Variants in URB1 observed in about 807,000 individuals in gnomAD.
The protein encoded by URB1 is URB1 ribosome biogenesis factor.
In URB1, 197 loss-of-function variants were observed where a neutral mutation model predicts 242.3. The ratio of observed to expected loss-of-function variants is 0.81; its 90% CI spans 0.72 to 0.91. The LOEUF (loss-of-function observed/expected upper bound fraction) is 0.91. Among genes scored for constraint, URB1 ranks in the 40% least tolerant of loss-of-function variants. URB1 has a pLI of 0.00. For missense variants in URB1, 2,721 were observed against 2,860.5 expected (o/e 0.95, Z 1.11); for synonymous variants, 1,153 against 1,201.8 (o/e 0.96, Z 0.84).
Position 32,311,245 on chromosome 21 carries a change from G to A in URB1, c.*3673C>T, listed in dbSNP as rs918081466. ...CCCCATGATTCAATTACCTCCCACT[G>A]GGTCCTTCCCACGACACGTGGGGAT... On this transcript the variant is annotated 3_prime_UTR_variant, in exon 39 of 39. Coordinates refer to ENST00000382751, the MANE Select transcript of URB1 (RefSeq NM_014825.3). 2 of 172,776 alleles carry A rather than the reference G, an allele frequency of 1.2e-5. No homozygotes were observed. The highest frequency in any genetic ancestry group is 1.2e-5 in the Non-Finnish European group (1 of 80,684). The allele number at this position is 172,776 out of a possible 1,614,324, so 10.7% of individuals were successfully genotyped here.
intron 36 of URB1, among the ~76,000 whole-genome samples, chr21:32,318,889 T>A (rs2032726214): frequency 6.6e-6 from 1 of 152,192 alleles, no homozygotes. Context: ...TTGATTCAAG[T>A]GTTTGAATCA....
intron 8 of URB1, 109 bp from the exon 9 acceptor site, chr21:32,368,707 TAAC>T: frequency 1.1e-6 from 1 of 935,036 alleles, no homozygotes; most frequent in South Asian, 1.8e-5. Flanking sequence ...AACACAGCAA[TAAC>T]AACGTAGGGA....
chr21:32,350,884 A>T lies in URB1; in HGVS notation c.2652T>A (p.Leu884=). ...GGGCTGTGAAGGACGAGGCCAAGGG[A>T]AGGGCAGGGGGCGAGGGGCTGCCCT... is the stretch of plus-strand genomic sequence containing the variant. ...QAQGSPSPPA[L]PLASSFTALL... is the part of the protein sequence containing the mutation. Residue 884 remains leucine, a synonymous_variant, in exon 20 of 39, where the codon CTT becomes CTA. Transcript: ENST00000382751. The T allele has an allele frequency of 6.5e-7, 1 of 1,549,982 alleles. No homozygotes were observed. Among genetic ancestry groups the T allele is most frequent in the Non-Finnish European group, 8.7e-7 (1 of 1,146,950 alleles).
rs1340487071 is a variant in URB1 at position 32,337,373 on chromosome 21, T to C, written c.4621+31A>G. Reference sequence around the variant, plus strand: ...ACCCCCGGCCCTCACTCCCTCCCCCTGCTCACACTACCCAGCCCTCACACC... The same window carrying C: ...ACCCCCGGCCCTCACTCCCTCCCCCCGCTCACACTACCCAGCCCTCACACC... On this transcript the variant is annotated intron_variant, in intron 27 of 38. Transcript: ENST00000382751. 2.0e-5 allele frequency: 31 copies of C among 1,515,184 alleles called. No individual in the cohort carries two copies. In the Admixed American group the frequency reaches 5.6e-4, roughly 27 times the overall value. The allele number at this position is 1,515,184 out of a possible 1,614,324, so 93.9% of individuals were successfully genotyped here. A position where few individuals can be genotyped will look rare whatever the true frequency, so the allele number is the denominator to read the frequency against.
At chr21:32,336,654 C>T (rs1323328424) in intron 28 of URB1, among the ~76,000 whole-genome samples, 2 of 152,136 alleles carry the variant, frequency 1.3e-5, no homozygotes, top group African/African-American at 4.8e-5. Context: ...TACATACACG[C>T]ATGCACACAC....
intron 26 of URB1, among the ~76,000 whole-genome samples, 183 bp from the exon 27 acceptor site, chr21:32,337,697 C>T (rs902390432): frequency 1.3e-5 from 2 of 151,506 alleles, no homozygotes; most frequent in South Asian, 2.1e-4. Flanking sequence ...ATTTTCTTTT[C>T]TTTTTTTCTT....
At chr21:32,379,543 TGAGGAG>T (rs957889893) in intron 4 of URB1, among the ~76,000 whole-genome samples, 1 of 152,154 alleles carries the variant, frequency 6.6e-6, no homozygotes, top group Non-Finnish European at 1.5e-5. Flanking sequence ...GTGATGATGA[TGAGGAG>T]GAGGAGGAGA....
At chr21:32,340,179 G>A (rs1239125829) in intron 25 of URB1, among the ~76,000 whole-genome samples, 1 of 152,164 alleles carries the variant, frequency 6.6e-6, no homozygotes, top group Non-Finnish European at 1.5e-5. Context: ...ACTTTTCTCT[G>A]TTTCAAGTTC....
At chr21:32,357,393 T>A in intron 15 of URB1, 144 bp downstream of exon 15, 3 of 884,754 alleles carry the variant, frequency 3.4e-6, no homozygotes, top group Non-Finnish European at 4.4e-6. Flanking sequence ...ACACAATAAA[T>A]TAAACTGCCA....
rs772049756 is a variant in URB1 at position 32,311,713 on chromosome 21, C to T, written c.*3205G>A. ...AGCCCCAAGCACCACCAAACATGCC[C>T]CTGGAGTCACGGCCTCAACCTCCAC... On this transcript the variant is annotated 3_prime_UTR_variant, in exon 39 of 39. Coordinates refer to ENST00000382751, the MANE Select transcript of URB1 (RefSeq NM_014825.3). 1 of 1,614,052 alleles carries T rather than the reference C, an allele frequency of 6.2e-7. No individual in the cohort carries two copies. The highest frequency in any genetic ancestry group is 1.1e-5 in the South Asian group (1 of 91,046).
chr21:32,377,764 A>AGCACCCTGCTACTCCTCCTCAATAACT (rs1300448373), intron 5 of URB1, among the ~76,000 whole-genome samples: 7 of 152,146 alleles, frequency 4.6e-5, no homozygotes, highest in African/African-American at 1.7e-4. Context: ...CCCTGAGTAC[A>AGCACCCTGCTACTCCTCCTCAATAACT]GCACCCTGCT....
chr21:32,321,479 T>C (rs184414775), intron 34 of URB1, among the ~76,000 whole-genome samples: 3 of 152,318 alleles, frequency 2.0e-5, no homozygotes, highest in South Asian at 2.1e-4. Flanking sequence ...TGAAGGCTCA[T>C]GATTACTGAT....
At position 32,338,815 on chromosome 21, in the gene URB1, TC is replaced by T; in HGVS notation, c.4401del (p.Lys1468SerfsTer10). ...LLYSPESSVR[T>X]KLIQLPVVYV... is the part of the protein sequence containing the mutation. The stretch of plus-strand genomic sequence containing the variant: ...TAGACCACCGGGAGCTGGATGAGCT[TC>T]GTGCGCACGGAGCTTTCTGGGCTGT... On this transcript the variant is annotated frameshift_variant, in exon 26 of 39. Coordinates refer to ENST00000382751, the MANE Select transcript of URB1 (RefSeq NM_014825.3). LOFTEE classifies it high-confidence loss of function. The T allele has an allele frequency of 6.4e-7, 1 of 1,551,546 alleles. No homozygotes were observed. The highest frequency in any genetic ancestry group is 2.4e-5 in the East Asian group (1 of 40,900).
Position 32,317,032 on chromosome 21 carries a change from G to C in URB1, c.6068C>G (p.Pro2023Arg). 1 of 1,547,794 alleles carries C rather than the reference G, an allele frequency of 6.5e-7. No individual in the cohort carries two copies. The highest frequency in any genetic ancestry group is 8.7e-7 in the Non-Finnish European group (1 of 1,145,798). ...GCCCCGTGGGCCTTTGGCTCGGGCT[G>C]GCATGACAGGCTTGTTCTTATCCTT... is the stretch of plus-strand genomic sequence containing the variant. ...MLKDKNKPVM[P>R]ARAKGPRGRK... Residue 2023 changes from proline to arginine, a missense_variant, in exon 38 of 39, where the codon CCA becomes CGA. Pro to Arg is a moderately radical substitution (Grantham distance 103). Coordinates refer to ENST00000382751, the MANE Select transcript of URB1 (RefSeq NM_014825.3).
rs1601126486 is a variant in URB1, at chr21:32,332,078, T to C, written c.4960+1239A>G. ...CAGTCACAAGCGGGACAGATGGACT[T>C]TTCAACACACAGAGGCTGTAACAAC... On this transcript the variant is annotated intron_variant, in intron 30 of 38. Coordinates refer to ENST00000382751, the MANE Select transcript of URB1 (RefSeq NM_014825.3). Among the ~76,000 whole-genome samples, 9 of 152,278 alleles carry C rather than the reference T, an allele frequency of 5.9e-5. No individual in the cohort carries two copies. The South Asian group carries it at 1.9e-3, about 32-fold the overall frequency.
rs2033147905 is a variant in URB1, at chr21:32,350,782, G to A, written c.2754C>T (p.His918=). Residue 918 remains histidine (H), a synonymous_variant, in exon 20 of 39, where the codon CAC becomes CAT. Coordinates refer to ENST00000382751, the MANE Select transcript of URB1 (RefSeq NM_014825.3). ...CGAGCAGGACCTGCTGCATGGACAG[G>A]TGTGGCATGGTGGCCTGCAGCTGCA... The part of the protein sequence containing the change: ...IQVQLQATMP[H]LSMQQVLLAA... The A allele has an allele frequency of 6.4e-7, 1 of 1,551,552 alleles. No homozygotes were observed.
At position 32,392,835 on chromosome 21, in the gene URB1, G is replaced by A; in HGVS notation, c.76C>T (p.Arg26Cys). 3.3e-6 allele frequency: 5 copies of A among 1,532,710 alleles called. No homozygotes were observed. Among genetic ancestry groups the A allele is most frequent in the South Asian group, 1.2e-5 (1 of 83,366 alleles). 94.9% of individuals were successfully genotyped at this position (1,532,710 alleles called of 1,614,324 possible). ...CGCACGCCCGTGAGCTCTTCTTTGCGGGCGCGCTTGGCTGCACCCGCGGAG... is the reference window on the plus strand; with the variant it reads ...CGCACGCCCGTGAGCTCTTCTTTGCAGGCGCGCTTGGCTGCACCCGCGGAG... ...ASSAGAAKRARKEELTGVRFK... is the reference protein window; with the variant it reads ...ASSAGAAKRACKEELTGVRFK... Residue 26 changes from arginine (R) to cysteine (C), a missense_variant, in exon 1 of 39, where the codon CGC becomes TGC. Arg to Cys is a radical substitution (Grantham distance 180, BLOSUM62 -3). Transcript: ENST00000382751.
chr21:32,330,147 G>A (rs2032876052), intron 30 of URB1, among the ~76,000 whole-genome samples: 1 of 150,728 alleles, frequency 6.6e-6, no homozygotes, highest in Non-Finnish European at 1.5e-5. Context: ...TTTCGTTTGG[G>A]ATGACAAGAT....
intron 21 of URB1, among the ~76,000 whole-genome samples, chr21:32,348,063 C>T (rs2033114268): frequency 6.6e-6 from 1 of 152,202 alleles, no homozygotes; most frequent in Non-Finnish European, 1.5e-5. Flanking sequence ...CCCGGAAGGA[C>T]TGGACTGTGA....
Sources: allele counts gnomAD v4.1 joint callset (sites outside exome capture counted in the v4.1 genomes callset), GRCh38; gene constraint gnomAD v4.1.1; transcripts MANE v1.5; gene names NCBI Gene and HGNC (gene_info 2026-07-23, HGNC 2026-07-21).